The following UMAD1 variants were observed in gnomAD, a reference collection of about 807,000 sequenced individuals.
UMAD1 encodes UBAP1-MVB12-associated (UMA) domain containing 1.
In UMAD1, 8 loss-of-function variants were observed where a neutral mutation model predicts 6.1. The observed-to-expected ratio is 1.30, with a 90% CI of 0.76 to 2.35. The LOEUF (loss-of-function observed/expected upper bound fraction) is 2.35. Among genes scored for constraint, UMAD1 ranks in the 30% most tolerant of loss-of-function variants. UMAD1 has a pLI of 0.00. For missense variants in UMAD1, 130 were observed against 78.4 expected (o/e 1.66, Z -2.49); for synonymous variants, 56 against 31.4 (o/e 1.78, Z -2.61).
intron 1 of UMAD1, among the ~76,000 whole-genome samples, chr7:7,650,767 A>G (rs1785207021): frequency 6.6e-6 from 1 of 152,212 alleles, no homozygotes; most frequent in African/African-American, 2.4e-5. Flanking sequence ...TATCAGACTG[A>G]TCACTCTCCA....
chr7:7,773,004 A>G (rs996724195), intron 2 of UMAD1, among the ~76,000 whole-genome samples: 5 of 152,150 alleles, frequency 3.3e-5, no homozygotes, highest in South Asian at 2.1e-4. Flanking sequence ...GATTTTTGCT[A>G]CTTCAGGATA....
At chr7:7,845,166 A>C (rs1338219609) in intron 3 of UMAD1, among the ~76,000 whole-genome samples, 1 of 152,028 alleles carries the variant, frequency 6.6e-6, no homozygotes, top group Non-Finnish European at 1.5e-5. Flanking sequence ...AATGAATTTA[A>C]AATTTTCATT....
chr7:7,688,356 A>C (rs1266007153), intron 2 of UMAD1, among the ~76,000 whole-genome samples: 1 of 152,140 alleles, frequency 6.6e-6, no homozygotes. Flanking sequence ...CAGAAAGTAG[A>C]ATGTGAGAAC....
chr7:7,769,695 C>G (rs908065041), intron 2 of UMAD1, among the ~76,000 whole-genome samples: 8 of 152,158 alleles, frequency 5.3e-5, no homozygotes, highest in African/African-American at 1.7e-4. Context: ...GTAGAGGAAG[C>G]AGCATGTCCT....
intron 2 of UMAD1, among the ~76,000 whole-genome samples, chr7:7,716,677 G>A (rs573360981): frequency 1.8e-4 from 28 of 152,362 alleles, no homozygotes; most frequent in Admixed American, 6.5e-4. Flanking sequence ...CCGGCGCGGT[G>A]GCTCACGCCT....
chr7:7,860,125 C>G (rs1310556209), intron 3 of UMAD1, among the ~76,000 whole-genome samples: 1 of 151,924 alleles, frequency 6.6e-6, no homozygotes, highest in Non-Finnish European at 1.5e-5. Context: ...GTGTAGAGTT[C>G]CAGTGTGTGT....
At chr7:7,766,160 C>G (rs1366991572) in intron 2 of UMAD1, among the ~76,000 whole-genome samples, 1 of 152,096 alleles carries the variant, frequency 6.6e-6, no homozygotes, top group African/African-American at 2.4e-5. Context: ...AATAGAGCAG[C>G]CTTGTCAATA....
chr7:7,807,547 T>A (rs1782941888), intron 3 of UMAD1, among the ~76,000 whole-genome samples: 1 of 152,112 alleles, frequency 6.6e-6, no homozygotes, highest in Non-Finnish European at 1.5e-5. Flanking sequence ...ATTTCAAAAC[T>A]GTGTTCTCCA....
chr7:7,777,604 T>G (rs1782241801), intron 2 of UMAD1, among the ~76,000 whole-genome samples: 1 of 146,228 alleles, frequency 6.8e-6, no homozygotes. Context: ...TATATATATG[T>G]AATTGCCAGT....
chr7:7,823,053 G>A (rs1211265284), intron 3 of UMAD1, among the ~76,000 whole-genome samples: 1 of 152,032 alleles, frequency 6.6e-6, no homozygotes, highest in African/African-American at 2.4e-5. Context: ...GATTAGGAGT[G>A]CTCCTCCCTT....
chr7:7,725,221 C>T (rs1161968593), intron 2 of UMAD1, among the ~76,000 whole-genome samples: 4 of 152,196 alleles, frequency 2.6e-5, no homozygotes, highest in Admixed American at 2.6e-4. Context: ...ATTTTGGAGG[C>T]AGCACATTCC....
At chr7:7,859,892 G>A (rs992210215) in intron 3 of UMAD1, among the ~76,000 whole-genome samples, 10 of 152,002 alleles carry the variant, frequency 6.6e-5, no homozygotes, top group African/African-American at 2.2e-4. Context: ...GAAATTCCAG[G>A]TTGCTTATGT....
intron 2 of UMAD1, among the ~76,000 whole-genome samples, chr7:7,768,831 C>T (rs760766809): frequency 2.0e-5 from 3 of 152,080 alleles, no homozygotes; most frequent in Non-Finnish European, 2.9e-5. Flanking sequence ...CTCTTCTTCC[C>T]CAGACAGTAA....
chr7:7,801,927 C>T (rs1360826960), intron 3 of UMAD1, among the ~76,000 whole-genome samples, 184 bp downstream of exon 3: 1 of 152,196 alleles, frequency 6.6e-6, no homozygotes. Context: ...AAGTGCTAAA[C>T]TCCTTTAGTG....
chr7:7,692,064 A>G (rs1323228531), intron 2 of UMAD1, among the ~76,000 whole-genome samples: 1 of 152,216 alleles, frequency 6.6e-6, no homozygotes, highest in Admixed American at 6.5e-5. Flanking sequence ...AACTGCAGTT[A>G]TTAACAGCTA....
chr7:7,648,143 C>T (rs1785140118), intron 1 of UMAD1, among the ~76,000 whole-genome samples: 1 of 152,188 alleles, frequency 6.6e-6, no homozygotes, highest in African/African-American at 2.4e-5. Flanking sequence ...CAGTGGCCTC[C>T]TTCTTCTTAA....
intron 2 of UMAD1, among the ~76,000 whole-genome samples, chr7:7,714,979 G>A (rs1780860832): frequency 6.6e-6 from 1 of 151,514 alleles, no homozygotes; most frequent in Non-Finnish European, 1.5e-5. Context: ...AACTACAGAG[G>A]AATTACAGTT....
intron 2 of UMAD1, among the ~76,000 whole-genome samples, chr7:7,733,523 A>T (rs1404981754): frequency 6.7e-6 from 1 of 150,246 alleles, no homozygotes; most frequent in East Asian, 1.9e-4. Context: ...TTGAATTAAT[A>T]TGATGACATG....
In UMAD1 at chr7:7,862,613, C is replaced by T. The variant is rs547507851; in HGVS notation, c.157-14668C>T. Among the ~76,000 whole-genome samples, 22 of 152,202 alleles carry T rather than the reference C, an allele frequency of 1.4e-4. No individual in the cohort carries two copies. The South Asian group carries it at 4.6e-3, about 32-fold the overall frequency. ...ACAAAAGTCTTAACTGTTTTGCAGCCTTGGTTGTGGTTAGATGCTGTAGTT... is the reference window on the plus strand; with the variant it reads ...ACAAAAGTCTTAACTGTTTTGCAGCTTTGGTTGTGGTTAGATGCTGTAGTT... On this transcript the variant is annotated intron_variant, in intron 3 of 3. Coordinates refer to ENST00000682710, the MANE Select transcript of UMAD1 (RefSeq NM_001302348.2).
Sources: allele counts gnomAD v4.1 joint callset (sites outside exome capture counted in the v4.1 genomes callset), GRCh38; gene constraint gnomAD v4.1.1; transcripts MANE v1.5; gene names NCBI Gene and HGNC (gene_info 2026-07-23, HGNC 2026-07-21).